The following FMO1 variants were observed in gnomAD, a reference collection of about 807,000 sequenced individuals.
The protein encoded by FMO1 is flavin-containing monooxygenase 1.
A neutral mutation model predicts 45.4 loss-of-function variants in FMO1; 36 were observed. That is an observed-to-expected ratio of 0.79 (90% confidence interval 0.61 to 1.05). FMO1 has a LOEUF of 1.05. FMO1 is among the 50% of genes least tolerant of loss of function. The pLI, the probability that FMO1 is intolerant of heterozygous loss-of-function variation, is 0.00. For synonymous variants in FMO1, 228 were observed against 227.2 expected (o/e 1.00, Z -0.03); for missense variants, 615 against 640.3 (o/e 0.96, Z 0.43).
chr1:171,261,186 C>T (rs867390303), intron 2 of FMO1, among the ~76,000 whole-genome samples: 1 of 152,114 alleles, frequency 6.6e-6, no homozygotes, highest in African/African-American at 2.4e-5. Context: ...CTCTGTAATA[C>T]CTTGAGATTT....
intron 2 of FMO1, among the ~76,000 whole-genome samples, chr1:171,258,680 G>C (rs1660265005): frequency 6.6e-6 from 1 of 152,214 alleles, no homozygotes; most frequent in Admixed American, 6.5e-5. Context: ...CTCTGTGTAG[G>C]ATGAGCTCCA....
chr1:171,278,980 CA>C, intron 5 of FMO1, 109 bp downstream of exon 5: 1 of 824,382 alleles, frequency 1.2e-6, no homozygotes, highest in Non-Finnish European at 1.7e-6. Context: ...GTCTCACATG[CA>C]AACAACAGAT....
At chr1:171,249,292 A>G (rs1659772568) in intron 1 of FMO1, among the ~76,000 whole-genome samples, 2 of 152,154 alleles carry the variant, frequency 1.3e-5, no homozygotes, top group African/African-American at 4.8e-5. Context: ...GGTCTATGCC[A>G]TCTGTTCTGC....
intron 1 of FMO1, among the ~76,000 whole-genome samples, chr1:171,255,432 T>C (rs1400804524): frequency 6.6e-6 from 1 of 152,204 alleles, no homozygotes; most frequent in Admixed American, 6.5e-5. Context: ...CACAGCTAGC[T>C]CACAGCAGAT....
In FMO1 at chr1:171,283,248, A is replaced by C. The variant is rs775609862; in HGVS notation, c.1256+32A>C. The C allele has an allele frequency of 1.8e-5, 8 of 440,778 alleles. No homozygotes were observed. In the East Asian group the frequency reaches 3.4e-4, roughly 19 times the overall value. The allele number at this position is 440,778 out of a possible 1,614,324, so 27.3% of individuals were successfully genotyped here. ...TAACTACTTAATGCACCCTTTTTAA[A>C]TTATAACTGAAATTGGTAAAAAAAA... On this transcript the variant is annotated intron_variant, in intron 8 of 8. Coordinates refer to ENST00000617670, the MANE Select transcript of FMO1 (RefSeq NM_001282693.2).
In FMO1 at chr1:171,282,097, C is replaced by T; in HGVS notation, c.947C>T (p.Thr316Ile). 2 of 1,613,828 alleles carry T rather than the reference C, an allele frequency of 1.2e-6. No homozygotes were observed. Among genetic ancestry groups the T allele is most frequent in the African/African-American group, 1.3e-5 (1 of 75,028 alleles). ...VKENSVIFNN[T>I]SKEEPIDIIV... ...GAAAACTCTGTCATATTTAACAATA[C>T]TTCAAAGGAAGAGCCTATTGACATC... Residue 316 changes from threonine to isoleucine, a missense_variant, in exon 7 of 9, where the codon ACT (threonine) becomes ATT (isoleucine). By Grantham distance (89) the Thr-to-Ile change is moderately conservative. Transcript: ENST00000617670.
At chr1:171,262,451 A>C (rs974890845) in intron 2 of FMO1, among the ~76,000 whole-genome samples, 3 of 152,184 alleles carry the variant, frequency 2.0e-5, no homozygotes, top group Non-Finnish European at 4.4e-5. Context: ...AACCCTCCCT[A>C]GAATGATATT....
In FMO1 at chr1:171,278,797, A is replaced by T; in HGVS notation, c.553A>T (p.Lys185Ter). 1 of 1,611,958 alleles carries T rather than the reference A, an allele frequency of 6.2e-7. No individual in the cohort carries two copies. The highest frequency in any genetic ancestry group is 8.5e-7 in the Non-Finnish European group (1 of 1,178,234). ...TAAGCATCCAGATATATTTAAGGAC[A>T]AGAGAGTCCTTGTGATTGGAATGGG... is the stretch of plus-strand genomic sequence containing the variant. ...QYKHPDIFKD[K>*]RVLVIGMGNS... Residue 185 changes from lysine (K) to a stop codon, truncating the protein, a stop_gained, in exon 5 of 9, where the codon AAG becomes TAG. Coordinates refer to ENST00000617670, the MANE Select transcript of FMO1 (RefSeq NM_001282693.2). LOFTEE classifies it high-confidence loss of function.
Position 171,267,797 on chromosome 1 carries a change from G to T in FMO1, c.321+66G>T. ...CTACCTATTTTCTCTTATCTCTCCA[G>T]CCTAGCCCTGGGCTCTGTAGATGAG... On this transcript the variant is annotated intron_variant, in intron 3 of 8. Transcript: ENST00000617670. 2 of 1,272,866 alleles carry T rather than the reference G, an allele frequency of 1.6e-6. 1 individual carries two copies. Among genetic ancestry groups the T allele is most frequent in the South Asian group, 2.8e-5 (2 of 72,658 alleles). The allele number at this position is 1,272,866 out of a possible 1,614,324, so 78.8% of individuals were successfully genotyped here.
At chr1:171,256,916 C>T (rs548330259) in intron 1 of FMO1, among the ~76,000 whole-genome samples, 3 of 152,176 alleles carry the variant, frequency 2.0e-5, no homozygotes, top group Non-Finnish European at 4.4e-5. Context: ...AAGCTAACAT[C>T]ACATAATTTA....
chr1:171,256,336 C>T (rs974736599), intron 1 of FMO1, among the ~76,000 whole-genome samples: 4 of 150,424 alleles, frequency 2.7e-5, no homozygotes, highest in African/African-American at 9.8e-5. Flanking sequence ...TAAACTGAGG[C>T]TCAAAAGGGG....
At chr1:171,279,281 G>A (rs985071167) in intron 5 of FMO1, among the ~76,000 whole-genome samples, 7 of 152,002 alleles carry the variant, frequency 4.6e-5, no homozygotes, top group Non-Finnish European at 1.0e-4. Flanking sequence ...TGAGGATATT[G>A]CATTGTCCTC....
Position 171,285,805 on chromosome 1 carries a change from C to G in FMO1, c.*261C>G. ...TTACAGGTTCATTTTAGAAAGAAAG[C>G]TGTTCTTGACAGCACTCTGAGCCAT... On this transcript the variant is annotated 3_prime_UTR_variant, in exon 9 of 9. Coordinates refer to ENST00000617670, the MANE Select transcript of FMO1 (RefSeq NM_001282693.2). 1 of 308,788 alleles carries G rather than the reference C, an allele frequency of 3.2e-6. No homozygotes were observed. The highest frequency in any genetic ancestry group is 1.4e-4 in the South Asian group (1 of 6,912). 19.1% of individuals were successfully genotyped at this position (308,788 alleles called of 1,614,324 possible). A position where few individuals can be genotyped will look rare whatever the true frequency, so the allele number is the denominator to read the frequency against.
chr1:171,280,161 G>C (rs1332922166), intron 5 of FMO1, among the ~76,000 whole-genome samples: 3 of 152,186 alleles, frequency 2.0e-5, no homozygotes, highest in African/African-American at 7.2e-5. Flanking sequence ...TGGCTCCCCA[G>C]TTTGGTGGGG....
intron 1 of FMO1, chr1:171,257,733 G>T: frequency 3.1e-6 from 1 of 321,836 alleles, no homozygotes. Flanking sequence ...GCTGATCTAT[G>T]CAGTTCTAGG....
chr1:171,285,131 G>C (rs1661564612), intron 8 of FMO1, 71 bp from the exon 9 acceptor site: 17 of 1,004,870 alleles, frequency 1.7e-5, no homozygotes, highest in Non-Finnish European at 1.9e-5. Flanking sequence ...TTTGCTTTGG[G>C]CACTTGTACT....
chr1:171,267,348 T>C (rs1660657476), intron 2 of FMO1, among the ~76,000 whole-genome samples, 195 bp from the exon 3 acceptor site: 1 of 152,222 alleles, frequency 6.6e-6, no homozygotes, highest in Non-Finnish European at 1.5e-5. Flanking sequence ...CCATAATCAT[T>C]TCCAGAATAC....
At chr1:171,261,578 A>C (rs1204369285) in intron 2 of FMO1, among the ~76,000 whole-genome samples, 2 of 152,154 alleles carry the variant, frequency 1.3e-5, no homozygotes, top group Admixed American at 1.3e-4. Flanking sequence ...CAGAGAATAT[A>C]GACATCATAA....
rs28360418 is a variant in FMO1 at position 171,282,058 on chromosome 1, T to C, written c.908T>C (p.Ile303Thr). The C allele has an allele frequency of 9.6e-4, 1,547 of 1,613,744 alleles. 11 individuals are homozygous for C. In the African/African-American group the frequency reaches 0.019, roughly 20 times the overall value. The change falls in exon 7 of 9, where the codon ATA becomes ACA. Residue 303 changes from isoleucine to threonine, a missense_variant. Ile to Thr is a moderately conservative substitution (Grantham distance 89). Transcript: ENST00000617670. Reference sequence around the variant, plus strand: ...GGGAAAGTGTTCATCAGGCCAAGCATAAAAGAGGTAAAGGAAAACTCTGTC... The same window carrying C: ...GGGAAAGTGTTCATCAGGCCAAGCACAAAAGAGGTAAAGGAAAACTCTGTC... ...ITGKVFIRPS[I>T]KEVKENSVIF...
Sources: gnomAD v4.1 joint callset for allele counts (sites outside exome capture counted in the v4.1 genomes callset) on GRCh38, gnomAD v4.1.1 for gene constraint, MANE v1.5 for transcripts, NCBI Gene and HGNC (gene_info 2026-07-23, HGNC 2026-07-21) for gene names.